The following PAIP1 variants were observed in gnomAD, a reference collection of about 807,000 sequenced individuals.
PAIP1 encodes the protein poly(A) binding protein interacting protein 1.
PAIP1 carries 16 observed loss-of-function variants against 61.3 expected under a neutral mutation model. The observed-to-expected ratio is 0.26, with a 90% CI of 0.18 to 0.40. PAIP1 has a LOEUF of 0.40. Ranked by LOEUF, PAIP1 falls within the 10% of genes least tolerant of loss-of-function variation. The pLI is 1.00. For missense variants in PAIP1, 416 were observed against 600.9 expected (o/e 0.69, Z 3.22); for synonymous variants, 187 against 226.2 (o/e 0.83, Z 1.56).
At position 43,534,941 on chromosome 5, in the gene PAIP1, A is replaced by C; in HGVS notation, c.1109T>G (p.Val370Gly). The C allele has an allele frequency of 1.2e-6, 2 of 1,608,004 alleles. No individual in the cohort carries two copies. The highest frequency in any genetic ancestry group is 1.7e-6 in the Non-Finnish European group (2 of 1,174,446). The change falls in exon 8 of 11, where the codon GTA becomes GGA. Residue 370 changes from valine to glycine, a missense_variant. This residue lies in a region of PAIP1 where 135 missense variants were observed against 283.9 expected (regional missense o/e 0.48). Transcript: ENST00000306846. ...GCCCCAGTTACTTGACCGGAGTTCTACAAGCTTCAAGAGCATCTGTTTTAC... is the reference window on the plus strand; with the variant it reads ...GCCCCAGTTACTTGACCGGAGTTCTCCAAGCTTCAAGAGCATCTGTTTTAC... ...RDVKQMLLKL[V>G]ELRSSNWGRV...
upstream of PAIP1, chr5:43,557,302 G>GCA (rs1461397500): frequency 3.4e-4 from 53 of 154,002 alleles, no homozygotes; most frequent in Admixed American, 7.2e-4. Flanking sequence ...GGGCCAGGCT[G>GCA]GGGGGGATGA....
chr5:43,535,457 G>T, intron 7 of PAIP1, 77 bp downstream of exon 7: 1 of 805,556 alleles, frequency 1.2e-6, no homozygotes, highest in Non-Finnish European at 2.1e-6. Flanking sequence ...CTGAAGTATA[G>T]CAAATTAAAA....
intron 5 of PAIP1, among the ~76,000 whole-genome samples, chr5:43,537,820 C>A (rs1275479617): frequency 2.0e-5 from 3 of 151,754 alleles, no homozygotes; most frequent in African/African-American, 7.3e-5. Flanking sequence ...ATGGTGAAAC[C>A]CCATCTCTGC....
intron 7 of PAIP1, among the ~76,000 whole-genome samples, chr5:43,535,285 C>A (rs1233800531): frequency 6.6e-6 from 1 of 152,110 alleles, no homozygotes; most frequent in Admixed American, 6.5e-5. Flanking sequence ...TCATTTAATT[C>A]ATATCTTAAG....
intron 10 of PAIP1, among the ~76,000 whole-genome samples, chr5:43,527,703 T>TAGTAAAGTAAAAGA (rs1177003996): frequency 2.6e-5 from 4 of 152,160 alleles, no homozygotes; most frequent in Non-Finnish European, 5.9e-5. Context: ...AAAGAATATA[T>TAGTAAAGTAAAAGA]ATACTTTTAG....
At chr5:43,544,717 T>C (rs889646645) in intron 3 of PAIP1, among the ~76,000 whole-genome samples, 2 of 152,176 alleles carry the variant, frequency 1.3e-5, no homozygotes, top group East Asian at 1.9e-4. Context: ...CCTGACCTCA[T>C]GTGACAGGTC....
chr5:43,527,807 C>T (rs993782457), intron 10 of PAIP1, among the ~76,000 whole-genome samples: 2 of 152,178 alleles, frequency 1.3e-5, no homozygotes, highest in African/African-American at 4.8e-5. Context: ...ACCTTACCAA[C>T]AAACAATTAG....
At chr5:43,533,840 T>C in intron 8 of PAIP1, 48 bp from the exon 9 acceptor site, 2 of 1,101,238 alleles carry the variant, frequency 1.8e-6, no homozygotes, top group Non-Finnish European at 2.8e-6. Context: ...TCAGAATTGA[T>C]TTTTGTAAGT....
chr5:43,546,035 A>G (rs1747621865), intron 3 of PAIP1, among the ~76,000 whole-genome samples: 1 of 152,048 alleles, frequency 6.6e-6, no homozygotes, highest in African/African-American at 2.4e-5. Context: ...GGCCTCCCAA[A>G]GTGCTGGGAT....
At chr5:43,556,122 A>G (rs762396376) in intron 1 of PAIP1, 123 bp from the exon 2 acceptor site, 3 of 1,445,786 alleles carry the variant, frequency 2.1e-6, no homozygotes, top group Non-Finnish European at 2.8e-6. Context: ...CCATCATGAA[A>G]TTTATGGTTA....
intron 2 of PAIP1, among the ~76,000 whole-genome samples, chr5:43,555,290 A>G (rs982962151): frequency 1.3e-5 from 2 of 152,262 alleles, no homozygotes; most frequent in African/African-American, 4.8e-5. Flanking sequence ...TTTAAGCTAA[A>G]GTATCATCAA....
At chr5:43,533,706 TG>T in intron 9 of PAIP1, 31 bp downstream of exon 9, 1 of 1,394,960 alleles carries the variant, frequency 7.2e-7, no homozygotes, top group Non-Finnish European at 1.0e-6. Context: ...ACCAAACAAC[TG>T]GGAGGAGGGA....
intron 9 of PAIP1, among the ~76,000 whole-genome samples, chr5:43,532,255 T>C (rs1181112325): frequency 6.6e-6 from 1 of 152,196 alleles, no homozygotes; most frequent in African/African-American, 2.4e-5. Context: ...GAGGAAAGAT[T>C]TGTCTTACCA....
chr5:43,536,339 G>C (rs58142433), intron 6 of PAIP1, among the ~76,000 whole-genome samples: 1,896 of 152,286 alleles, frequency 0.012, 35 homozygotes, highest in African/African-American at 0.039. Context: ...AAGCAATGCT[G>C]CCATGGCTAA....
At chr5:43,548,996 A>C (rs1373372957) in intron 2 of PAIP1, among the ~76,000 whole-genome samples, 4 of 152,040 alleles carry the variant, frequency 2.6e-5, no homozygotes, top group Non-Finnish European at 4.4e-5. Flanking sequence ...GCTGGAGTGC[A>C]GTGGTGCAAT....
At chr5:43,553,002 T>A (rs1477196385) in intron 2 of PAIP1, among the ~76,000 whole-genome samples, 1 of 152,202 alleles carries the variant, frequency 6.6e-6, no homozygotes, top group Non-Finnish European at 1.5e-5. Flanking sequence ...ATGATACTAC[T>A]GCAAGGCAGA....
At chr5:43,533,605 A>G (rs1747030096) in intron 9 of PAIP1, 133 bp downstream of exon 9, 3 of 724,442 alleles carry the variant, frequency 4.1e-6, no homozygotes, top group Admixed American at 4.0e-5. Flanking sequence ...TAGACAAACC[A>G]TTACACTGGT....
At chr5:43,534,680 A>G (rs1206575622) in intron 8 of PAIP1, among the ~76,000 whole-genome samples, 173 bp downstream of exon 8, 1 of 152,196 alleles carries the variant, frequency 6.6e-6, no homozygotes, top group Admixed American at 6.5e-5. Context: ...CTTTCACTGG[A>G]GAATTCCAGG....
intron 5 of PAIP1, among the ~76,000 whole-genome samples, chr5:43,538,431 GT>G (rs1285912131): frequency 6.6e-6 from 1 of 152,102 alleles, no homozygotes; most frequent in Non-Finnish European, 1.5e-5. Context: ...ATATCAAAGT[GT>G]TGTGTACCAT....
Sources: gnomAD v4.1 joint callset for allele counts (sites outside exome capture counted in the v4.1 genomes callset) on GRCh38, gnomAD v4.1.1 for gene constraint, gnomAD v4.1.1 regional missense constraint, MANE v1.5 for transcripts, NCBI Gene and HGNC (gene_info 2026-07-23, HGNC 2026-07-21) for gene names.